The following GRID2 variants were observed in gnomAD, a reference collection of about 807,000 sequenced individuals.
GRID2 encodes glutamate receptor ionotropic, delta-2.
A neutral mutation model predicts 114.8 loss-of-function variants in GRID2; 33 were observed. The ratio of observed to expected loss-of-function variants is 0.29; its 90% CI spans 0.22 to 0.38. The LOEUF is 0.38. Among genes scored for constraint, GRID2 ranks in the 10% least tolerant of loss-of-function variants. GRID2 has a pLI of 1.00. For missense variants in GRID2, 1,184 were observed against 1,257.7 expected, an observed-to-expected ratio of 0.94 and a Z score of 0.89; for synonymous variants, 505 against 449.9, an observed-to-expected ratio of 1.12 and a Z score of -1.55.
chr4:93,490,858 G>A, intron 12 of GRID2, 81 bp downstream of exon 12: 1 of 927,770 alleles, frequency 1.1e-6, no homozygotes, highest in South Asian at 1.6e-5. Context: ...TAAGTATGTG[G>A]TGTCTCATAA....
chr4:92,370,482 T>C (rs1359067023), intron 1 of GRID2, among the ~76,000 whole-genome samples: 1 of 151,980 alleles, frequency 6.6e-6, no homozygotes, highest in Non-Finnish European at 1.5e-5. Context: ...AAACCCCATC[T>C]CTACTAAAAA....
intron 4 of GRID2, among the ~76,000 whole-genome samples, chr4:93,181,436 G>A (rs899079557): frequency 1.3e-5 from 2 of 152,086 alleles, no homozygotes; most frequent in South Asian, 2.1e-4. Flanking sequence ...AGGAATACTG[G>A]CTTCAACTTA....
At chr4:93,109,477 A>G (rs138847239) in intron 3 of GRID2, among the ~76,000 whole-genome samples, 14 of 152,194 alleles carry the variant, frequency 9.2e-5, no homozygotes, top group African/African-American at 3.1e-4. Flanking sequence ...GTAGTTTCTA[A>G]ATTTTTGGCT....
At chr4:92,650,252 A>C (rs1369644124) in intron 2 of GRID2, among the ~76,000 whole-genome samples, 6 of 152,022 alleles carry the variant, frequency 3.9e-5, no homozygotes, top group Admixed American at 3.9e-4. Flanking sequence ...GGTATTTATA[A>C]CGACCTTCTT....
At chr4:93,340,977 T>C (rs1759588522) in intron 8 of GRID2, among the ~76,000 whole-genome samples, 1 of 152,150 alleles carries the variant, frequency 6.6e-6, no homozygotes, top group Non-Finnish European at 1.5e-5. Flanking sequence ...TCAGAGTATA[T>C]TGTGGGTCTA....
intron 1 of GRID2, among the ~76,000 whole-genome samples, chr4:92,539,510 G>GT (rs1441853282): frequency 6.6e-6 from 1 of 151,520 alleles, no homozygotes; most frequent in Non-Finnish European, 1.5e-5. Context: ...ACTTTTGGCT[G>GT]TTTTTTTGGT....
At chr4:92,837,682 G>T (rs1316342879) in intron 2 of GRID2, among the ~76,000 whole-genome samples, 1 of 151,978 alleles carries the variant, frequency 6.6e-6, no homozygotes, top group Non-Finnish European at 1.5e-5. Context: ...TTGAGAAGGG[G>T]TGTGGCATAC....
At chr4:92,776,445 C>G (rs1461088127) in intron 2 of GRID2, among the ~76,000 whole-genome samples, 1 of 152,042 alleles carries the variant, frequency 6.6e-6, no homozygotes, top group African/African-American at 2.4e-5. Context: ...TCCACACATA[C>G]AGCTACCCAC....
chr4:92,331,744 T>C (rs1726899426), intron 1 of GRID2, among the ~76,000 whole-genome samples: 1 of 152,218 alleles, frequency 6.6e-6, no homozygotes, highest in African/African-American at 2.4e-5. Context: ...TTCTACATTT[T>C]AATTTATACA....
intron 8 of GRID2, among the ~76,000 whole-genome samples, chr4:93,256,809 G>A (rs1204124188): frequency 6.6e-6 from 1 of 151,810 alleles, no homozygotes; most frequent in African/African-American, 2.4e-5. Context: ...TTTGAATTGA[G>A]TTATTCTGTA....
chr4:93,688,978 A>G (rs978059813), intron 14 of GRID2, among the ~76,000 whole-genome samples: 2 of 152,026 alleles, frequency 1.3e-5, no homozygotes, highest in African/African-American at 4.8e-5. Flanking sequence ...GTATTTAAAG[A>G]CGGGGTTTTT....
intron 14 of GRID2, among the ~76,000 whole-genome samples, chr4:93,658,510 C>A (rs946601385): frequency 6.6e-6 from 1 of 152,082 alleles, no homozygotes; most frequent in African/African-American, 2.4e-5. Context: ...ATAAAAAAAA[C>A]TGGAGATTAC....
chr4:93,688,523 A>G (rs375208197), intron 14 of GRID2, among the ~76,000 whole-genome samples: 58 of 152,042 alleles, frequency 3.8e-4, no homozygotes, highest in African/African-American at 1.1e-3. Flanking sequence ...GCCCAAAAGC[A>G]TAAGAGTAAT....
intron 1 of GRID2, among the ~76,000 whole-genome samples, chr4:92,529,908 G>A (rs1254646800): frequency 1.3e-5 from 2 of 152,056 alleles, no homozygotes; most frequent in African/African-American, 4.8e-5. Flanking sequence ...TTTAGAGATA[G>A]ACAAATCCCG....
chr4:92,504,997 T>G (rs935717483), intron 1 of GRID2, among the ~76,000 whole-genome samples: 3 of 152,112 alleles, frequency 2.0e-5, no homozygotes, highest in Admixed American at 1.3e-4. Flanking sequence ...AAGAAACATT[T>G]TATTAATTAA....
At chr4:92,574,201 G>A (rs1258511621) in intron 1 of GRID2, among the ~76,000 whole-genome samples, 9 of 151,964 alleles carry the variant, frequency 5.9e-5, no homozygotes, top group South Asian at 2.1e-4. Flanking sequence ...TATGTGAGAC[G>A]AGTCCCTTGA....
chr4:93,477,504 C>A (rs1208734391), intron 11 of GRID2, among the ~76,000 whole-genome samples: 1 of 152,094 alleles, frequency 6.6e-6, no homozygotes, highest in Non-Finnish European at 1.5e-5. Flanking sequence ...CCAAAACATT[C>A]AATTTCAGAT....
intron 9 of GRID2, among the ~76,000 whole-genome samples, chr4:93,402,483 A>T (rs1253995923): frequency 6.6e-6 from 1 of 152,172 alleles, no homozygotes; most frequent in Non-Finnish European, 1.5e-5. Flanking sequence ...AAAAAAAAGC[A>T]TGAGTGATCA....
At chr4:92,761,289 G>T (rs1259534606) in intron 2 of GRID2, among the ~76,000 whole-genome samples, 4 of 151,910 alleles carry the variant, frequency 2.6e-5, no homozygotes, top group African/African-American at 9.7e-5. Context: ...AAGTCCTTTT[G>T]CATAGGTTGT....
Sources: gnomAD v4.1 joint callset for allele counts (sites outside exome capture counted in the v4.1 genomes callset) on GRCh38, gnomAD v4.1.1 for gene constraint, MANE v1.5 for transcripts, NCBI Gene and HGNC (gene_info 2026-07-23, HGNC 2026-07-21) for gene names.